The following SGK3 variants were observed in gnomAD, a reference collection of about 807,000 sequenced individuals.
The protein encoded by SGK3 is serine/threonine-protein kinase Sgk3.
Under a neutral mutation model 68.5 loss-of-function variants are expected in SGK3, and 47 were observed. The observed-to-expected ratio is 0.69, with a 90% CI of 0.54 to 0.87. SGK3 has a LOEUF of 0.87. Among genes scored for constraint, SGK3 ranks in the 40% least tolerant of loss-of-function variants. SGK3 has a pLI of 0.00. For synonymous variants in SGK3, 181 were observed against 189.1 expected (o/e 0.96, Z 0.35); for missense variants, 479 against 575.5 (o/e 0.83, Z 1.72).
At chr8:66,738,802 T>G (rs993733819) in intron 1 of SGK3, among the ~76,000 whole-genome samples, 1 of 152,096 alleles carries the variant, frequency 6.6e-6, no homozygotes, top group East Asian at 1.9e-4. Flanking sequence ...TAATTTTTTT[T>G]TGTATTTTTA....
chr8:66,802,626 T>G (rs547061720), intron 3 of SGK3, among the ~76,000 whole-genome samples: 1 of 149,192 alleles, frequency 6.7e-6, no homozygotes, highest in Non-Finnish European at 1.5e-5. Context: ...AGGTCAGCAC[T>G]GCATTCCAGC....
intron 1 of SGK3, among the ~76,000 whole-genome samples, chr8:66,774,612 G>C (rs761781020): frequency 6.6e-6 from 1 of 152,178 alleles, no homozygotes; most frequent in Non-Finnish European, 1.5e-5. Flanking sequence ...TGCCAAACCC[G>C]GCCGCGTCTG....
intron 1 of SGK3, among the ~76,000 whole-genome samples, chr8:66,740,445 A>G (rs1805445476): frequency 6.6e-6 from 1 of 152,142 alleles, no homozygotes; most frequent in African/African-American, 2.4e-5. Context: ...ATTTCATTAT[A>G]TGTCAGCTTA....
intron 1 of SGK3, among the ~76,000 whole-genome samples, chr8:66,791,315 A>G (rs1293302007): frequency 1.3e-5 from 2 of 152,192 alleles, no homozygotes; most frequent in Non-Finnish European, 2.9e-5. Context: ...TGTGCAGTCC[A>G]TAGAGCTCAG....
At chr8:66,717,547 C>T (rs1436006968) in intron 1 of SGK3, among the ~76,000 whole-genome samples, 1 of 151,910 alleles carries the variant, frequency 6.6e-6, no homozygotes, top group East Asian at 1.9e-4. Flanking sequence ...GAAAAGAAAA[C>T]TGGATTTCAT....
chr8:66,843,647 C>CT (rs1455670219), intron 14 of SGK3, 100 bp downstream of exon 14: 6 of 1,196,978 alleles, frequency 5.0e-6, no homozygotes, highest in Non-Finnish European at 6.0e-6. Flanking sequence ...TTAGATAACA[C>CT]TAACAGAGCA....
Position 66,713,860 on chromosome 8 carries a change from C to T in SGK3, c.-122+1027C>T, listed in dbSNP as rs963384508. Reference sequence around the variant, plus strand: ...GGAAGTTTTAGGCATGTTTTAGCACCGGGTGTGCCTTCTGGTCCCCTTGGC... The same window carrying T: ...GGAAGTTTTAGGCATGTTTTAGCACTGGGTGTGCCTTCTGGTCCCCTTGGC... On this transcript the variant is annotated intron_variant, in intron 1 of 16. Transcript: ENST00000521198. Among the ~76,000 whole-genome samples the T allele has an allele frequency of 9.2e-5, 14 of 152,274 alleles. No individual in the cohort carries two copies. In the East Asian group the frequency reaches 2.5e-3, roughly 27 times the overall value.
chr8:66,722,253 T>C (rs1804815427), intron 1 of SGK3, among the ~76,000 whole-genome samples: 1 of 152,076 alleles, frequency 6.6e-6, no homozygotes, highest in Non-Finnish European at 1.5e-5. Context: ...TTGGAAAAGC[T>C]TTTGTAAGGA....
At chr8:66,739,765 G>A (rs1254241829) in intron 1 of SGK3, among the ~76,000 whole-genome samples, 1 of 152,182 alleles carries the variant, frequency 6.6e-6, no homozygotes, top group East Asian at 1.9e-4. Flanking sequence ...GAGGCCTCAG[G>A]AACCTTACAA....
chr8:66,838,661 AG>A (rs1178664855), intron 10 of SGK3, among the ~76,000 whole-genome samples: 1 of 152,172 alleles, frequency 6.6e-6, no homozygotes, highest in Non-Finnish European at 1.5e-5. Context: ...TGGAAGAGGA[AG>A]GCTTGTCATC....
intron 2 of SGK3, among the ~76,000 whole-genome samples, chr8:66,794,405 T>C (rs1202633092): frequency 6.6e-6 from 1 of 152,092 alleles, no homozygotes; most frequent in African/African-American, 2.4e-5. Context: ...ATTAGTGTGC[T>C]GAAACATACA....
At chr8:66,715,456 C>T (rs1563591307) in intron 1 of SGK3, among the ~76,000 whole-genome samples, 1 of 152,098 alleles carries the variant, frequency 6.6e-6, no homozygotes, top group African/African-American at 2.4e-5. Context: ...CAGGGTTTCA[C>T]CATGTTGGCC....
chr8:66,791,029 T>C (rs1469579488), intron 1 of SGK3, among the ~76,000 whole-genome samples: 2 of 152,052 alleles, frequency 1.3e-5, no homozygotes, highest in Non-Finnish European at 2.9e-5. Context: ...TTAACTAAGA[T>C]GTTGTGGGCA....
intron 16 of SGK3, among the ~76,000 whole-genome samples, chr8:66,854,747 A>C (rs541534644): frequency 2.0e-5 from 3 of 152,252 alleles, no homozygotes; most frequent in Admixed American, 2.0e-4. Flanking sequence ...TTCCAAGTGG[A>C]GGGGAGAAAA....
chr8:66,738,491 T>A (rs1414032920), intron 1 of SGK3, among the ~76,000 whole-genome samples: 1 of 152,232 alleles, frequency 6.6e-6, no homozygotes, highest in African/African-American at 2.4e-5. Context: ...CTCTGACTTC[T>A]GCTTATCTAC....
chr8:66,834,407 G>C (rs1265372832), intron 8 of SGK3, among the ~76,000 whole-genome samples: 1 of 152,186 alleles, frequency 6.6e-6, no homozygotes, highest in Non-Finnish European at 1.5e-5. Context: ...CTTTGAGAAG[G>C]AGAAGGGTGA....
chr8:66,810,070 C>T (rs1432993120), intron 4 of SGK3, among the ~76,000 whole-genome samples: 1 of 152,138 alleles, frequency 6.6e-6, no homozygotes, highest in Non-Finnish European at 1.5e-5. Flanking sequence ...TTAAGTCCAA[C>T]CCCCGTTCAA....
chr8:66,767,403 A>T, intron 1 of SGK3: 1 of 1,277,474 alleles, frequency 7.8e-7, no homozygotes. Flanking sequence ...AAATTTAAAT[A>T]TCTATGTCAG....
chr8:66,855,104 T>C lies in SGK3; in HGVS notation c.1320+4184T>C, dbSNP rs193183565. Among the ~76,000 whole-genome samples, 5 of 152,350 alleles carry C rather than the reference T, an allele frequency of 3.3e-5. No individual in the cohort carries two copies. In the East Asian group the frequency reaches 7.7e-4, roughly 23 times the overall value. ...CAAGACCTAAGATAATGTTTTTGTGTATAATCTTTAAGTGAAGAATGCTTT... is the reference window on the plus strand; with the variant it reads ...CAAGACCTAAGATAATGTTTTTGTGCATAATCTTTAAGTGAAGAATGCTTT... On this transcript the variant is annotated intron_variant, in intron 16 of 16. Transcript: ENST00000521198.
Sources: gnomAD v4.1 joint callset for allele counts (sites outside exome capture counted in the v4.1 genomes callset) on GRCh38, gnomAD v4.1.1 for gene constraint, MANE v1.5 for transcripts, NCBI Gene and HGNC (gene_info 2026-07-23, HGNC 2026-07-21) for gene names.